MYL3: variants seen among roughly 807,000 people sequenced by gnomAD.
MYL3 encodes myosin light chain 3.
A neutral mutation model predicts 21.3 loss-of-function variants in MYL3; 11 were observed. The observed-to-expected ratio is 0.52, with a 90% CI of 0.32 to 0.85. The LOEUF (loss-of-function observed/expected upper bound fraction) is 0.85, where lower values mean the gene tolerates loss of function less well. Among genes scored for constraint, MYL3 ranks in the 40% least tolerant of loss-of-function variants. The pLI, the probability that MYL3 is intolerant of heterozygous loss-of-function variation, is 0.03. For missense variants in MYL3, 206 were observed against 253.3 expected, an observed-to-expected ratio of 0.81 and a Z score of 1.27; for synonymous variants, 88 against 91.6, an observed-to-expected ratio of 0.96 and a Z score of 0.22.
intron 1 of MYL3, among the ~76,000 whole-genome samples, chr3:46,878,244 G>A (rs1244688231): frequency 6.6e-6 from 1 of 152,232 alleles, no homozygotes. Flanking sequence ...GTCAGGGGGT[G>A]TTTATGAGCA....
At chr3:46,880,612 C>T (rs941413123) in intron 1 of MYL3, among the ~76,000 whole-genome samples, 6 of 152,132 alleles carry the variant, frequency 3.9e-5, no homozygotes, top group Non-Finnish European at 7.4e-5. Flanking sequence ...TGGTGGTACA[C>T]ACCTGTAGTC....
intron 1 of MYL3, among the ~76,000 whole-genome samples, chr3:46,869,849 A>G (rs1323313410): frequency 6.6e-6 from 1 of 152,224 alleles, no homozygotes; most frequent in Non-Finnish European, 1.5e-5. Context: ...CCCGTCAGTC[A>G]GACGAGGAGT....
intron 1 of MYL3, among the ~76,000 whole-genome samples, chr3:46,877,179 G>A (rs895763920): frequency 2.0e-5 from 3 of 152,048 alleles, no homozygotes; most frequent in Non-Finnish European, 2.9e-5. Context: ...GTCAGGACAC[G>A]GGCTGGAGTG....
chr3:46,872,442 A>ACCCCCCCCCCCCC (rs200592186), intron 1 of MYL3, among the ~76,000 whole-genome samples: 2 of 137,418 alleles, frequency 1.5e-5, no homozygotes, highest in Non-Finnish European at 3.2e-5. Context: ...GGGCCCCAAG[A>ACCCCCCCCCCCCC]CCCCCCCCCT....
intron 1 of MYL3, among the ~76,000 whole-genome samples, chr3:46,862,889 C>G (rs1702007354): frequency 6.6e-6 from 1 of 152,232 alleles, no homozygotes; most frequent in Non-Finnish European, 1.5e-5. Context: ...GACCCCTCAG[C>G]TGAACAAGGA....
At chr3:46,870,523 C>A (rs1052026680) in intron 1 of MYL3, among the ~76,000 whole-genome samples, 3 of 152,118 alleles carry the variant, frequency 2.0e-5, no homozygotes, top group Non-Finnish European at 2.9e-5. Context: ...CCGCCAGAAC[C>A]AGCTGTGGCC....
At chr3:46,876,640 C>T (rs534954870) in intron 1 of MYL3, among the ~76,000 whole-genome samples, 1 of 152,212 alleles carries the variant, frequency 6.6e-6, no homozygotes, top group East Asian at 1.9e-4. Context: ...ATGAGTGGTA[C>T]CCTCCCCAGG....
chr3:46,874,614 T>TC lies in MYL3; in HGVS notation c.-218+7459_-218+7460insG, dbSNP rs2030085144. 6.6e-6 allele frequency among the ~76,000 whole-genome samples: 1 copy of TC among 152,068 alleles called. No individual in the cohort carries two copies. Among genetic ancestry groups the TC allele is most frequent in the African/African-American group, 2.4e-5 (1 of 41,394 alleles). On this transcript the variant is annotated intron_variant, in intron 1 of 3. Transcript: ENST00000431168. The surrounding 1 kb of genome is among the most constrained non-coding windows in gnomAD (Gnocchi z 4.1). ...GGTGATATTTTGAGTTTAAGAAAAC[T>TC]TTGCAGTCGGCAGGAGCTCTTAAAG...
At chr3:46,863,478 C>T, upstream of MYL3, 1 of 1,440,852 alleles carries the variant, frequency 6.9e-7, no homozygotes, top group South Asian at 1.2e-5. Context: ...TTTATCCTGC[C>T]CGGATACCTC....
intron 1 of MYL3, among the ~76,000 whole-genome samples, chr3:46,877,450 C>CA (rs537138341): frequency 1.1e-3 from 160 of 152,258 alleles, no homozygotes; most frequent in Middle Eastern, 3.4e-3. Context: ...AAGAGAGAGG[C>CA]ATGGCAGGGC....
Position 46,882,148 on chromosome 3 carries a change from G to C in MYL3, c.-292C>G, listed in dbSNP as rs930218829. On this transcript the variant is annotated 5_prime_UTR_variant, in exon 1 of 4. Transcript: ENST00000431168. This position sits in a 1 kb window ranked among gnomAD's most constrained non-coding sequence, Gnocchi z 4.3. ...GGGCGGGGGGCGGAAGGCTCCTCTC[G>C]GCCTCTCCACACTCCCGCGTCGGCG... 1.3e-5 allele frequency: 2 copies of C among 151,014 alleles called. No individual in the cohort carries two copies. Among genetic ancestry groups the C allele is most frequent in the South Asian group, 4.2e-4 (2 of 4,758 alleles). The allele number at this position is 151,014 out of a possible 1,614,324, so 9.4% of individuals were successfully genotyped here.
rs1292464693 is a variant in MYL3, at chr3:46,879,647, T to G, written c.-218+2427A>C. The stretch of plus-strand genomic sequence containing the variant: ...CTGTGGTGCCAGCTACATGAGAGGC[T>G]GAGGTGAGAGGATTGCTTGAGCCCA... On this transcript the variant is annotated intron_variant, in intron 1 of 3. Transcript: ENST00000431168. This position sits in a 1 kb window ranked among gnomAD's most constrained non-coding sequence, Gnocchi z 4.7. Among the ~76,000 whole-genome samples, 1 of 152,136 alleles carries G rather than the reference T, an allele frequency of 6.6e-6. No individual in the cohort carries two copies. The highest frequency in any genetic ancestry group is 1.5e-5 in the Non-Finnish European group (1 of 68,020).
At chr3:46,881,520 C>T (rs1451023394) in intron 1 of MYL3, among the ~76,000 whole-genome samples, 3 of 152,080 alleles carry the variant, frequency 2.0e-5, no homozygotes, top group African/African-American at 4.8e-5. Flanking sequence ...CTCGAGCCTC[C>T]GGGGTTGGGG....
Position 46,874,679 on chromosome 3 carries a change from C to T in MYL3, c.-218+7395G>A, listed in dbSNP as rs556456746. On this transcript the variant is annotated intron_variant, in intron 1 of 3. Coordinates refer to the MYL3 transcript ENST00000431168. This position sits in a 1 kb window ranked among gnomAD's most constrained non-coding sequence, Gnocchi z 4.1. ...CAGCGGGAGCCCATGCAGGGAGAGG[C>T]GGAAACACGTGTCAAACACGCCTGG... Among the ~76,000 whole-genome samples the T allele has an allele frequency of 1.3e-5, 2 of 152,286 alleles. No individual in the cohort carries two copies. The highest frequency in any genetic ancestry group is 4.1e-4 in the South Asian group (2 of 4,822).
chr3:46,866,412 A>G (rs12491948), upstream of MYL3: 151,434 of 152,404 alleles, frequency 0.99, 75,236 homozygotes, highest in Middle Eastern at 1. Context: ...CCAGCCAAGG[A>G]GAATGCGGGG....
Position 46,860,927 on chromosome 3 carries a change from C to A in MYL3, c.157+33G>T. 6.2e-7 allele frequency: 1 copy of A among 1,614,162 alleles called. No homozygotes were observed. Among genetic ancestry groups the A allele is most frequent in the South Asian group, 1.1e-5 (1 of 91,090 alleles). Reference sequence around the variant, plus strand: ...TCAGACCAGGGAACCCCAGCCCAATCCTGCAACCCCTGGGTTCAAGACCCC... The same window carrying A: ...TCAGACCAGGGAACCCCAGCCCAATACTGCAACCCCTGGGTTCAAGACCCC... On this transcript the variant is annotated intron_variant, in intron 2 of 6. Transcript: ENST00000292327. This position sits in a 1 kb window ranked among gnomAD's most constrained non-coding sequence, Gnocchi z 4.6.
Position 46,858,240 on chromosome 3 carries a change from A to G in MYL3, c.*4T>C, listed in dbSNP as rs1356578365. 6.2e-7 allele frequency: 1 copy of G among 1,614,006 alleles called. No homozygotes were observed. Among genetic ancestry groups the G allele is most frequent in the Non-Finnish European group, 8.5e-7 (1 of 1,180,016 alleles). On this transcript the variant is annotated 3_prime_UTR_variant, in exon 6 of 7. Coordinates refer to ENST00000292327, the MANE Select transcript of MYL3 (RefSeq NM_000258.3). The stretch of plus-strand genomic sequence containing the variant: ...GGGAGTGGGTGCCTACCTGGGCACG[A>G]GGTTTAGCTGGACATGATGTGCTTC...
Position 46,859,197 on chromosome 3 carries a change from G to A in MYL3, c.481+278C>T, listed in dbSNP as rs1206721570. ...ACCTTGGAGTAATGACCACCAGGAC[G>A]GTGGCCTGGAGTCGTGGGAAGGAGG... On this transcript the variant is annotated intron_variant, in intron 4 of 6. Coordinates refer to ENST00000292327, the MANE Select transcript of MYL3 (RefSeq NM_000258.3). This position sits in a 1 kb window ranked among gnomAD's most constrained non-coding sequence, Gnocchi z 4.1. Among the ~76,000 whole-genome samples the A allele has an allele frequency of 6.6e-6, 1 of 152,050 alleles. No individual in the cohort carries two copies. The highest frequency in any genetic ancestry group is 1.5e-5 in the Non-Finnish European group (1 of 67,996).
At chr3:46,870,819 C>T (rs1327965086) in intron 1 of MYL3, among the ~76,000 whole-genome samples, 1 of 152,124 alleles carries the variant, frequency 6.6e-6, no homozygotes. Context: ...TCCACCAGTA[C>T]TGGGACAGCA....
Sources: allele counts gnomAD v4.1 joint callset (sites outside exome capture counted in the v4.1 genomes callset), GRCh38; gene constraint gnomAD v4.1.1; non-coding constraint Gnocchi (gnomAD v3.1); transcripts MANE v1.5; gene names NCBI Gene and HGNC (gene_info 2026-07-23, HGNC 2026-07-21).